The following GRIK3 variants were observed in gnomAD, a reference collection of about 807,000 sequenced individuals.
GRIK3 encodes glutamate receptor ionotropic, kainate 3.
Under a neutral mutation model 102.5 loss-of-function variants are expected in GRIK3, and 29 were observed. The observed-to-expected ratio is 0.28, with a 90% CI of 0.21 to 0.39. The LOEUF is 0.39. Ranked by LOEUF, GRIK3 falls within the 10% of genes least tolerant of loss-of-function variation. The pLI is 1.00. For synonymous variants in GRIK3, 511 were observed against 504.9 expected (o/e 1.01, Z -0.16); for missense variants, 908 against 1,252.4 (o/e 0.73, Z 4.15).
intron 1 of GRIK3, among the ~76,000 whole-genome samples, chr1:36,934,849 T>C (rs1474404495): frequency 1.3e-5 from 2 of 152,106 alleles, no homozygotes; most frequent in Admixed American, 6.5e-5. Flanking sequence ...CAACTGCCAG[T>C]TCTCTTCTCT....
intron 1 of GRIK3, among the ~76,000 whole-genome samples, chr1:37,025,039 A>ACC: frequency 6.6e-6 from 1 of 152,188 alleles, no homozygotes. Context: ...AAGAGTTGAA[A>ACC]CTCAGACAGA....
chr1:37,030,041 G>A (rs184481545), intron 1 of GRIK3, among the ~76,000 whole-genome samples: 18 of 152,358 alleles, frequency 1.2e-4, no homozygotes, highest in Admixed American at 3.9e-4. Flanking sequence ...GCAGGCATCA[G>A]GAAGAAAATT....
intron 1 of GRIK3, among the ~76,000 whole-genome samples, chr1:37,011,290 T>G (rs941571037): frequency 5.1e-4 from 78 of 152,272 alleles, no homozygotes; most frequent in African/African-American, 1.9e-3. Context: ...GACAGTGAAA[T>G]GAGATGATGA....
At chr1:36,842,226 T>C (rs539964626) in intron 9 of GRIK3, among the ~76,000 whole-genome samples, 134 of 152,252 alleles carry the variant, frequency 8.8e-4, no homozygotes, top group Non-Finnish European at 5.3e-4. Context: ...GGCTTTGAAC[T>C]GGAGACCCAT....
chr1:36,840,277 T>C (rs1294896339), intron 10 of GRIK3, among the ~76,000 whole-genome samples: 1 of 152,112 alleles, frequency 6.6e-6, no homozygotes, highest in East Asian at 1.9e-4. Flanking sequence ...CAGCAGCAGC[T>C]CCTTGATAGA....
intron 1 of GRIK3, among the ~76,000 whole-genome samples, chr1:36,918,561 A>G (rs547357993): frequency 6.6e-6 from 1 of 152,280 alleles, no homozygotes; most frequent in African/African-American, 2.4e-5. Flanking sequence ...TATTAATATT[A>G]GATTCCCACT....
chr1:37,001,790 A>G (rs1642479050), intron 1 of GRIK3, among the ~76,000 whole-genome samples: 1 of 152,130 alleles, frequency 6.6e-6, no homozygotes, highest in Non-Finnish European at 1.5e-5. Flanking sequence ...CAGGTAGGGG[A>G]GAAGGAAATG....
chr1:37,019,465 A>G (rs1642687586), intron 1 of GRIK3, among the ~76,000 whole-genome samples: 1 of 152,196 alleles, frequency 6.6e-6, no homozygotes, highest in Non-Finnish European at 1.5e-5. Context: ...GGAATGAGGA[A>G]GATCCAAGTG....
chr1:36,919,338 A>ATTTT (rs143170999), intron 1 of GRIK3, among the ~76,000 whole-genome samples: 3 of 143,600 alleles, frequency 2.1e-5, no homozygotes, highest in African/African-American at 7.7e-5. Context: ...GCTTTTTTAA[A>ATTTT]ATTTTATTTT....
At chr1:36,891,633 A>G (rs2124273564) in intron 1 of GRIK3, among the ~76,000 whole-genome samples, 1 of 152,362 alleles carries the variant, frequency 6.6e-6, no homozygotes, top group East Asian at 1.9e-4. Flanking sequence ...AGCTTAAATC[A>G]GCCTTTAATA....
At chr1:36,906,318 T>C (rs566611725) in intron 1 of GRIK3, among the ~76,000 whole-genome samples, 1 of 152,162 alleles carries the variant, frequency 6.6e-6, no homozygotes, top group Admixed American at 6.5e-5. Context: ...ACTCAGACTC[T>C]CTGAGACTCA....
chr1:36,802,828 G>A (rs1642456833), intron 15 of GRIK3, among the ~76,000 whole-genome samples: 1 of 152,190 alleles, frequency 6.6e-6, no homozygotes, highest in African/African-American at 2.4e-5. Flanking sequence ...ACTAGGCTTT[G>A]TATTCTTGCT....
intron 1 of GRIK3, among the ~76,000 whole-genome samples, chr1:36,899,109 G>A (rs1216133956): frequency 1.3e-5 from 2 of 152,122 alleles, no homozygotes; most frequent in Non-Finnish European, 2.9e-5. Flanking sequence ...AAGGCTTCAT[G>A]AGATTGAATT....
intron 15 of GRIK3, among the ~76,000 whole-genome samples, chr1:36,804,003 A>G (rs539333256): frequency 6.6e-6 from 1 of 152,350 alleles, no homozygotes; most frequent in South Asian, 2.1e-4. Context: ...GACTCTGAAC[A>G]TACCGTGAAG....
At chr1:36,897,501 T>C (rs1476890190) in intron 1 of GRIK3, among the ~76,000 whole-genome samples, 1 of 152,156 alleles carries the variant, frequency 6.6e-6, no homozygotes, top group Non-Finnish European at 1.5e-5. Context: ...ATAGGCATTT[T>C]TCAAAAGAAG....
At chr1:36,861,156 G>A (rs1047953714) in intron 5 of GRIK3, among the ~76,000 whole-genome samples, 6 of 152,172 alleles carry the variant, frequency 3.9e-5, no homozygotes, top group African/African-American at 1.4e-4. Context: ...TGCTCCTTGA[G>A]TCAGCTTTTC....
At chr1:36,925,133 C>T (rs1336740740) in intron 1 of GRIK3, among the ~76,000 whole-genome samples, 1 of 152,164 alleles carries the variant, frequency 6.6e-6, no homozygotes, top group Non-Finnish European at 1.5e-5. Flanking sequence ...CATTCACTAC[C>T]CTGACATACA....
intron 1 of GRIK3, among the ~76,000 whole-genome samples, chr1:36,913,359 G>A (rs1444876837): frequency 6.6e-6 from 1 of 152,202 alleles, no homozygotes; most frequent in African/African-American, 2.4e-5. Context: ...GGGCAGAGGC[G>A]AGGGTCAGGG....
chr1:36,870,227 C>T (rs1175801049), intron 4 of GRIK3, among the ~76,000 whole-genome samples: 1 of 152,052 alleles, frequency 6.6e-6, no homozygotes, highest in Non-Finnish European at 1.5e-5. Context: ...AGTACGTTTC[C>T]CCCCAACCCT....
Sources: allele counts gnomAD v4.1 joint callset (sites outside exome capture counted in the v4.1 genomes callset), GRCh38; gene constraint gnomAD v4.1.1; transcripts MANE v1.5; gene names NCBI Gene and HGNC (gene_info 2026-07-23, HGNC 2026-07-21).